Variants in CDH13 observed in about 807,000 individuals in gnomAD.
The protein encoded by CDH13 is cadherin-13.
A neutral mutation model predicts 63.8 loss-of-function variants in CDH13; 24 were observed. The ratio of observed to expected loss-of-function variants is 0.38; its 90% CI spans 0.27 to 0.53. The LOEUF (loss-of-function observed/expected upper bound fraction) is 0.53. CDH13 is among the 20% of genes least tolerant of loss of function. The pLI is 0.85. For synonymous variants in CDH13, 503 were observed against 355.3 expected (o/e 1.42, Z -4.67); for missense variants, 1,049 against 903.1 (o/e 1.16, Z -2.07).
intron 4 of CDH13, among the ~76,000 whole-genome samples, chr16:83,211,575 G>C (rs1467070744): frequency 2.0e-5 from 3 of 152,132 alleles, no homozygotes; most frequent in Admixed American, 6.5e-5. Context: ...GGTAGGCATG[G>C]GACTTTGCAG....
At chr16:82,751,442 T>C (rs965369358) in intron 1 of CDH13, among the ~76,000 whole-genome samples, 7 of 152,252 alleles carry the variant, frequency 4.6e-5, no homozygotes, top group African/African-American at 1.4e-4. Flanking sequence ...TTTAGCCACC[T>C]GATCCCTGAC....
At chr16:83,771,910 G>A (rs776048405) in intron 11 of CDH13, among the ~76,000 whole-genome samples, 1 of 152,200 alleles carries the variant, frequency 6.6e-6, no homozygotes, top group Non-Finnish European at 1.5e-5. Flanking sequence ...ACTGCTGCAT[G>A]ATGGAATTGC....
At chr16:83,053,341 T>G (rs1227467693) in intron 3 of CDH13, among the ~76,000 whole-genome samples, 1 of 152,180 alleles carries the variant, frequency 6.6e-6, no homozygotes, top group Non-Finnish European at 1.5e-5. Flanking sequence ...TTTCTTCCCT[T>G]CTTTCTTTTT....
intron 7 of CDH13, among the ~76,000 whole-genome samples, chr16:83,592,321 C>T (rs79252246): frequency 5.4e-4 from 82 of 152,328 alleles, no homozygotes; most frequent in South Asian, 2.3e-3. Context: ...CTTATCTCAT[C>T]TGACCTTACG....
At chr16:83,483,443 A>G (rs1195551188) in intron 6 of CDH13, among the ~76,000 whole-genome samples, 2 of 149,584 alleles carry the variant, frequency 1.3e-5, no homozygotes, top group Non-Finnish European at 3.0e-5. Flanking sequence ...GATGAAAACT[A>G]AAGACTCATC....
rs2091849567 is a variant in CDH13 at position 83,394,568 on chromosome 16, A to C, written c.781+49562A>C. Among the ~76,000 whole-genome samples, 3 of 152,184 alleles carry C rather than the reference A, an allele frequency of 2.0e-5. No homozygotes were observed. In the South Asian group the frequency reaches 6.2e-4, roughly 32 times the overall value. ...ACATCCAACTGTGCAGGCGTAGTAA[A>C]GAACCCAGCGTTTACTCACAAGGAA... On this transcript the variant is annotated intron_variant, in intron 6 of 13. Transcript: ENST00000567109.
chr16:83,162,458 C>T (rs1003592022), intron 4 of CDH13, among the ~76,000 whole-genome samples: 2 of 152,124 alleles, frequency 1.3e-5, no homozygotes, highest in African/African-American at 4.8e-5. Flanking sequence ...CCCAAGAATA[C>T]GTAGCAAGTA....
intron 1 of CDH13, among the ~76,000 whole-genome samples, chr16:82,855,588 T>C (rs1054995491): frequency 2.6e-5 from 4 of 152,210 alleles, no homozygotes; most frequent in Non-Finnish European, 5.9e-5. Context: ...TGGATCTGCA[T>C]CCTGTGTATG....
intron 1 of CDH13, among the ~76,000 whole-genome samples, chr16:82,817,742 T>C (rs1597691453): frequency 6.6e-6 from 1 of 152,062 alleles, no homozygotes; most frequent in Non-Finnish European, 1.5e-5. Context: ...GAGGCAGAGG[T>C]TGCTGTAAGC....
chr16:83,179,869 A>G (rs2038278086), intron 4 of CDH13, among the ~76,000 whole-genome samples: 1 of 151,476 alleles, frequency 6.6e-6, no homozygotes, highest in Non-Finnish European at 1.5e-5. Context: ...TTCAACATAT[A>G]TTCCTATCAA....
chr16:83,515,882 A>G (rs780736188), intron 7 of CDH13, among the ~76,000 whole-genome samples: 3 of 152,158 alleles, frequency 2.0e-5, no homozygotes, highest in Non-Finnish European at 4.4e-5. Flanking sequence ...TATAAATTTA[A>G]TCTTTATATA....
intron 10 of CDH13, among the ~76,000 whole-genome samples, chr16:83,702,219 C>T (rs546808313): frequency 2.0e-5 from 3 of 152,302 alleles, no homozygotes; most frequent in Non-Finnish European, 2.9e-5. Context: ...GGCATAGCTT[C>T]CATCACACTG....
At chr16:83,699,769 A>G (rs1216885020) in intron 10 of CDH13, among the ~76,000 whole-genome samples, 10 of 152,206 alleles carry the variant, frequency 6.6e-5, no homozygotes. Flanking sequence ...CTTCAACCTG[A>G]GACCCTGGAA....
At chr16:82,962,434 A>G (rs1485133694) in intron 2 of CDH13, among the ~76,000 whole-genome samples, 1 of 152,164 alleles carries the variant, frequency 6.6e-6, no homozygotes, top group Admixed American at 6.5e-5. Context: ...TTTTTTTGCC[A>G]CAAGGTTTGT....
At chr16:83,174,981 A>G (rs2151734906) in intron 4 of CDH13, among the ~76,000 whole-genome samples, 1 of 152,270 alleles carries the variant, frequency 6.6e-6, no homozygotes, top group East Asian at 1.9e-4. Flanking sequence ...CCCTCCCCTG[A>G]CACATGGGGA....
intron 7 of CDH13, among the ~76,000 whole-genome samples, chr16:83,501,896 T>A (rs977357155): frequency 2.6e-5 from 4 of 152,180 alleles, no homozygotes; most frequent in African/African-American, 9.7e-5. Flanking sequence ...CTTGATTGAG[T>A]TTCCCTCAGC....
intron 5 of CDH13, among the ~76,000 whole-genome samples, chr16:83,242,991 A>G (rs776279884): frequency 6.6e-6 from 1 of 152,162 alleles, no homozygotes; most frequent in Admixed American, 6.5e-5. Flanking sequence ...AGTAGGCACT[A>G]TTATTATTTT....
At chr16:83,786,421 A>G (rs692603) in intron 13 of CDH13, among the ~76,000 whole-genome samples, 84,927 of 151,880 alleles carry the variant, frequency 0.56, 24,485 homozygotes, top group African/African-American at 0.64. Flanking sequence ...TTTGTGCTCT[A>G]GATTACGACT....
intron 2 of CDH13, among the ~76,000 whole-genome samples, chr16:83,005,243 G>A (rs1272245749): frequency 6.6e-6 from 1 of 152,112 alleles, no homozygotes; most frequent in Admixed American, 6.6e-5. Context: ...TGGATTTTTG[G>A]ATGATTATTT....
Sources: gnomAD v4.1 joint callset for allele counts (sites outside exome capture counted in the v4.1 genomes callset) on GRCh38, gnomAD v4.1.1 for gene constraint, MANE v1.5 for transcripts, NCBI Gene and HGNC (gene_info 2026-07-23, HGNC 2026-07-21) for gene names.